The following HELZ variants were observed in gnomAD, a reference collection of about 807,000 sequenced individuals.
HELZ encodes ATP-dependent RNA helicase with zinc finger domain.
Under a neutral mutation model 218.2 loss-of-function variants are expected in HELZ, and 23 were observed. The ratio of observed to expected loss-of-function variants is 0.11; its 90% CI spans 0.08 to 0.15. HELZ has a LOEUF of 0.15. Ranked by LOEUF, HELZ falls within the 10% of genes least tolerant of loss-of-function variation. The probability of loss-of-function intolerance (pLI) is 1.00; values close to 1 mark genes in which losing one functional copy is unlikely to be tolerated. For synonymous variants in HELZ, 814 were observed against 829.4 expected (o/e 0.98, Z 0.32); for missense variants, 1,813 against 2,353.7 (o/e 0.77, Z 4.75).
intron 14 of HELZ, 86 bp downstream of exon 14, chr17:67,167,377 C>T: frequency 9.6e-7 from 1 of 1,037,126 alleles, no homozygotes; most frequent in Non-Finnish European, 1.4e-6. Context: ...TTGTTTACGG[C>T]AGAAGAAAAA....
intron 26 of HELZ, 106 bp downstream of exon 26, chr17:67,122,864 A>T (rs1257736502): frequency 1.4e-5 from 11 of 777,914 alleles, no homozygotes; most frequent in African/African-American, 3.5e-5. Context: ...AGCACTGAAA[A>T]TTTTTTTTAA....
rs201536780 is a variant in HELZ at position 67,160,868 on chromosome 17, A to G, written c.2075+29T>C. The G allele has an allele frequency of 2.4e-5, 36 of 1,519,300 alleles. No homozygotes were observed. The African/African-American group carries it at 4.2e-4, about 18-fold the overall frequency. 94.1% of individuals were successfully genotyped at this position (1,519,300 alleles called of 1,614,324 possible). ...GAACAGAGGTAGTATCCTACCAGGG[A>G]AATATGAGCACGCTTCCCACCCTCT... On this transcript the variant is annotated intron_variant, in intron 16 of 32. Transcript: ENST00000358691.
At chr17:67,094,000 T>C (rs9903700) in intron 31 of HELZ, among the ~76,000 whole-genome samples, 5,859 of 152,166 alleles carry the variant, frequency 0.039, 385 homozygotes, top group African/African-American at 0.13. Context: ...AACATGTAAT[T>C]TACCCATATA....
At chr17:67,145,313 A>T (rs754622951) in intron 21 of HELZ, among the ~76,000 whole-genome samples, 17 of 152,230 alleles carry the variant, frequency 1.1e-4, no homozygotes, top group Non-Finnish European at 2.1e-4. Flanking sequence ...GTTGGAGCAC[A>T]TCATGGAATT....
chr17:67,225,700 G>GT (rs1567908426), intron 3 of HELZ, among the ~76,000 whole-genome samples: 2 of 152,104 alleles, frequency 1.3e-5, no homozygotes, highest in Non-Finnish European at 2.9e-5. Context: ...CCATAAAATG[G>GT]TAACATTTGC....
At chr17:67,130,355 T>C (rs2037940073) in intron 23 of HELZ, among the ~76,000 whole-genome samples, 1 of 151,932 alleles carries the variant, frequency 6.6e-6, no homozygotes, top group Non-Finnish European at 1.5e-5. Flanking sequence ...TAAAAAAAAT[T>C]AAAAATTTTA....
rs1277477025 is a variant in HELZ, at chr17:67,077,970, C to G, written c.*282G>C. The stretch of plus-strand genomic sequence containing the variant: ...TTTTTTATAGTTGCACAATTAACCT[C>G]TTGGCTGCTAGCTTGATGCAAACAT... On this transcript the variant is annotated 3_prime_UTR_variant, in exon 33 of 33. Transcript: ENST00000358691. 2 of 171,328 alleles carry G rather than the reference C, an allele frequency of 1.2e-5. No homozygotes were observed. Among genetic ancestry groups the G allele is most frequent in the Non-Finnish European group, 2.3e-5 (2 of 85,674 alleles). The allele number at this position is 171,328 out of a possible 1,614,324, so 10.6% of individuals were successfully genotyped here. A position where few individuals can be genotyped will look rare whatever the true frequency, so the allele number is the denominator to read the frequency against.
rs573432295 is a variant in HELZ, at chr17:67,077,933, C to CTTTTT, written c.*314_*318dup. 2.3e-5 allele frequency: 3 copies of CTTTTT among 129,540 alleles called. No individual in the cohort carries two copies. The highest frequency in any genetic ancestry group is 3.3e-5 in the Non-Finnish European group (2 of 60,642). The allele number at this position is 129,540 out of a possible 1,614,324, so 8.0% of individuals were successfully genotyped here. On this transcript the variant is annotated 3_prime_UTR_variant, in exon 33 of 33. Transcript: ENST00000358691. ...TTAAATACATTTTAGACAAACTTTT[C>CTTTTT]TTTTTTTTTTTTTTTTTATAGTTGC...
rs747499913 is a variant in HELZ, at chr17:67,166,591, T to C, written c.1782A>G (p.Gln594=). 22 of 1,613,540 alleles carry C rather than the reference T, an allele frequency of 1.4e-5. No individual in the cohort carries two copies. The highest frequency in any genetic ancestry group is 2.2e-5 in the East Asian group (1 of 44,828). ...DCDTQVELQF[Q]LNRLPLCEMH... is the part of the protein sequence containing the mutation. ...TTTCACAGAGGGGTAATCGATTTAA[T>C]TGAAACTGAAGTTCAACCTGAAAGA... The change falls in exon 15 of 33, where the codon CAA becomes CAG. Residue 594 remains glutamine, a synonymous_variant. Transcript: ENST00000358691.
chr17:67,195,740 G>A (rs2040005703), intron 7 of HELZ, among the ~76,000 whole-genome samples: 1 of 151,170 alleles, frequency 6.6e-6, no homozygotes, highest in African/African-American at 2.4e-5. Context: ...CAAGTCCCCA[G>A]TCTTGAACCT....
chr17:67,140,931 T>A (rs1195873950), intron 21 of HELZ, among the ~76,000 whole-genome samples: 1 of 152,214 alleles, frequency 6.6e-6, no homozygotes, highest in Admixed American at 6.5e-5. Flanking sequence ...CATATTTCAA[T>A]GTGCTAAAAG....
intron 27 of HELZ, among the ~76,000 whole-genome samples, chr17:67,119,060 T>C (rs377093242): frequency 4.6e-5 from 7 of 152,138 alleles, no homozygotes; most frequent in Non-Finnish European, 7.4e-5. Context: ...ACATTACTAG[T>C]AGAAATGAAA....
In HELZ at chr17:67,189,597, T is replaced by A. The variant is rs1228378752; in HGVS notation, c.856A>T (p.Thr286Ser). Residue 286 changes from threonine (T) to serine (S), a missense_variant, in exon 11 of 33, where the codon ACT (threonine) becomes TCT (serine). Transcript: ENST00000358691. ...TAGCACAAAATTCATACCTTACAAG[T>A]GAGAGCAAAGGTCCATGTCTGGTGG... ...KSHQTWTFAL[T>S]CKPARMLYRV... 5 of 1,606,678 alleles carry A rather than the reference T, an allele frequency of 3.1e-6. No individual in the cohort carries two copies. The highest frequency in any genetic ancestry group is 4.3e-6 in the Non-Finnish European group (5 of 1,173,400).
rs1302392501 is a variant in HELZ, at chr17:67,075,443, C to T, written c.*2809G>A. The T allele has an allele frequency of 6.6e-6, 1 of 152,066 alleles. No individual in the cohort carries two copies. Among genetic ancestry groups the T allele is most frequent in the Non-Finnish European group, 1.5e-5 (1 of 68,000 alleles). The allele number at this position is 152,066 out of a possible 1,614,324, so 9.4% of individuals were successfully genotyped here. On this transcript the variant is annotated 3_prime_UTR_variant, in exon 33 of 33. Coordinates refer to ENST00000358691, the MANE Select transcript of HELZ (RefSeq NM_014877.4). ...TGGAAAAAAATTTTATATACATATA[C>T]TATACATATATATGCATATATAAGG...
intron 3 of HELZ, among the ~76,000 whole-genome samples, chr17:67,225,780 CA>C (rs1489392178): frequency 5.9e-5 from 9 of 152,128 alleles, no homozygotes; most frequent in African/African-American, 2.2e-4. Context: ...TTTTATAAAA[CA>C]GAAACTTGTT....
intron 17 of HELZ, among the ~76,000 whole-genome samples, chr17:67,153,911 C>T (rs956124835): frequency 2.0e-5 from 3 of 152,112 alleles, no homozygotes; most frequent in Non-Finnish European, 1.5e-5. Flanking sequence ...ACTCAGCTTC[C>T]AAAAAAGTTT....
chr17:67,138,496 A>G (rs1486178864), intron 21 of HELZ, among the ~76,000 whole-genome samples: 2 of 152,160 alleles, frequency 1.3e-5, no homozygotes, highest in East Asian at 3.9e-4. Context: ...CTCTCTCCAG[A>G]TCAGGCCAAT....
chr17:67,194,753 C>T (rs1402067113), intron 8 of HELZ, among the ~76,000 whole-genome samples: 1 of 152,150 alleles, frequency 6.6e-6, no homozygotes, highest in Non-Finnish European at 1.5e-5. Context: ...TAGCCATTTT[C>T]TACTCCCTCA....
At chr17:67,097,651 G>A (rs1232663044) in intron 31 of HELZ, among the ~76,000 whole-genome samples, 1 of 152,214 alleles carries the variant, frequency 6.6e-6, no homozygotes, top group Non-Finnish European at 1.5e-5. Flanking sequence ...TCACTGCTGT[G>A]ACATTTGGAG....
Sources: gnomAD v4.1 joint callset for allele counts (sites outside exome capture counted in the v4.1 genomes callset) on GRCh38, gnomAD v4.1.1 for gene constraint, MANE v1.5 for transcripts, NCBI Gene and HGNC (gene_info 2026-07-23, HGNC 2026-07-21) for gene names.